The following MGST1 variants were observed in gnomAD, a reference collection of about 807,000 sequenced individuals.
MGST1 encodes glutathione S-transferase 12.
In MGST1, 5 loss-of-function variants were observed where a neutral mutation model predicts 8.9. The observed-to-expected ratio is 0.56, with a 90% CI of 0.29 to 1.19. The LOEUF (loss-of-function observed/expected upper bound fraction) is 1.19, where lower values mean the gene tolerates loss of function less well. Among genes scored for constraint, MGST1 ranks in the 50% most tolerant of loss-of-function variants. The pLI is 0.08. For synonymous variants in MGST1, 54 were observed against 67.8 expected, an observed-to-expected ratio of 0.80 and a Z score of 1.00; for missense variants, 182 against 187.4, an observed-to-expected ratio of 0.97 and a Z score of 0.17.
Position 16,354,382 on chromosome 12 carries a change from A to T in MGST1, c.126+4A>T. 6.3e-7 allele frequency: 1 copy of T among 1,587,336 alleles called. No homozygotes were observed. The highest frequency in any genetic ancestry group is 8.5e-7 in the Non-Finnish European group (1 of 1,173,290). On this transcript the variant is annotated splice_donor_region_variant and intron_variant, in intron 2 of 3. Coordinates refer to ENST00000396210, the MANE Select transcript of MGST1 (RefSeq NM_020300.5). ...ATTCTATAGATTGACAAGAAAGGTA[A>T]GAAATTTGGAGGTAATATTTTCTTA...
chr12:16,482,003 T>G lies in MGST1; in HGVS notation n.482+98399T>G, dbSNP rs77251362. ...TAAAAAAGACTGGAGAGAAAAGACATTTTACACAGAAAGGAATAATAAGCA... is the reference window on the plus strand; with the variant it reads ...TAAAAAAGACTGGAGAGAAAAGACAGTTTACACAGAAAGGAATAATAAGCA... On this transcript the variant is annotated intron_variant and non_coding_transcript_variant, in intron 4 of 4. Coordinates refer to the MGST1 transcript ENST00000538857. The surrounding 1 kb of genome is among the most constrained non-coding windows in gnomAD (Gnocchi z 4.2). Among the ~76,000 whole-genome samples the G allele has an allele frequency of 0.015, 2,277 of 152,176 alleles. 54 individuals are homozygous for G. The highest frequency in any genetic ancestry group is 0.052 in the African/African-American group (2,173 of 41,514).
rs1943414133 is a variant in MGST1, at chr12:16,589,172, T to C, written n.483-356T>C. 6.6e-6 allele frequency among the ~76,000 whole-genome samples: 1 copy of C among 152,110 alleles called. No homozygotes were observed. The highest frequency in any genetic ancestry group is 1.5e-5 in the Non-Finnish European group (1 of 67,998). On this transcript the variant is annotated intron_variant and non_coding_transcript_variant, in intron 4 of 4. Coordinates refer to the MGST1 transcript ENST00000538857. This position sits in a 1 kb window ranked among gnomAD's most constrained non-coding sequence, Gnocchi z 4.2. ...CCCAGTTTGGAAGATTTTAGGGAAG[T>C]GACAAGAACTCATGTAACTTTTTAT...
chr12:16,393,445 G>A (rs550858635), intron 1 of MGST1, among the ~76,000 whole-genome samples: 1 of 152,230 alleles, frequency 6.6e-6, no homozygotes, highest in East Asian at 1.9e-4. Context: ...ACGAGAGGCT[G>A]CTCACACAAC....
rs1420536644 is a variant in MGST1, at chr12:16,395,790, T to C, written n.778+12186T>C. On this transcript the variant is annotated intron_variant and non_coding_transcript_variant, in intron 1 of 1. Transcript: ENST00000359720. Reference sequence around the variant, plus strand: ...TGAGTAGTATTCCATCATATATATATATATATATATATATACACACACACA... The same window carrying C: ...TGAGTAGTATTCCATCATATATATACATATATATATATATACACACACACA... Among the ~76,000 whole-genome samples, 358 of 123,612 alleles carry C rather than the reference T, an allele frequency of 2.9e-3. 4 individuals carry two copies. Among genetic ancestry groups the C allele is most frequent in the East Asian group, 0.015 (52 of 3,422 alleles). The allele number at this position is 123,612 out of a possible 152,430, so 81.1% of individuals were successfully genotyped here. A position where few individuals can be genotyped will look rare whatever the true frequency, so the allele number is the denominator to read the frequency against.
intron 4 of MGST1, among the ~76,000 whole-genome samples, chr12:16,509,844 G>A (rs570742857): frequency 1.3e-5 from 2 of 152,270 alleles, no homozygotes; most frequent in East Asian, 1.9e-4. Context: ...TTAGGTAGGA[G>A]TGATTCAGAG....
chr12:16,526,955 G>A (rs145900897), intron 4 of MGST1, among the ~76,000 whole-genome samples: 1,550 of 152,036 alleles, frequency 0.01, 15 homozygotes, highest in Non-Finnish European at 0.015. Flanking sequence ...CAAAAGAGCT[G>A]AATCATGATC....
chr12:16,445,802 A>C (rs1941075489), intron 4 of MGST1, among the ~76,000 whole-genome samples: 1 of 151,902 alleles, frequency 6.6e-6, no homozygotes, highest in Non-Finnish European at 1.5e-5. Flanking sequence ...GGCAAGGACT[A>C]CTTATGGCAG....
intron 4 of MGST1, among the ~76,000 whole-genome samples, chr12:16,552,528 C>G (rs1381011239): frequency 6.6e-6 from 1 of 151,906 alleles, no homozygotes; most frequent in Admixed American, 6.5e-5. Context: ...CTATTTTTTT[C>G]CAACTGGGTA....
intron 1 of MGST1, among the ~76,000 whole-genome samples, chr12:16,351,517 A>T (rs1008267883): frequency 6.6e-6 from 1 of 152,124 alleles, no homozygotes; most frequent in African/African-American, 2.4e-5. Context: ...CTAAGAAAAC[A>T]AAAATAGGGG....
At chr12:16,469,452 G>T (rs975178931) in intron 4 of MGST1, among the ~76,000 whole-genome samples, 9 of 152,144 alleles carry the variant, frequency 5.9e-5, no homozygotes, top group African/African-American at 1.7e-4. Flanking sequence ...GCCTCCCAAG[G>T]TGTTGGGATT....
chr12:16,355,973 A>G (rs1939698084), intron 2 of MGST1, among the ~76,000 whole-genome samples: 1 of 152,170 alleles, frequency 6.6e-6, no homozygotes, highest in African/African-American at 2.4e-5. Context: ...CCAGTTCCTG[A>G]CTTGCAGATG....
downstream of MGST1, among the ~76,000 whole-genome samples, chr12:16,366,386 A>G (rs1291869619): frequency 5.9e-5 from 9 of 152,094 alleles, no homozygotes; most frequent in East Asian, 1.9e-4. The surrounding 1 kb of genome is among the most constrained non-coding windows in gnomAD (Gnocchi z 4.0). Flanking sequence ...GGGGAAAGCT[A>G]TTTACTGGTC....
chr12:16,434,524 G>A (rs1940966866), intron 1 of MGST1, among the ~76,000 whole-genome samples: 1 of 151,832 alleles, frequency 6.6e-6, no homozygotes, highest in Non-Finnish European at 1.5e-5. Flanking sequence ...GCTGGATACT[G>A]AGAGAGACTC....
At chr12:16,491,635 C>T (rs1304178605) in intron 4 of MGST1, among the ~76,000 whole-genome samples, 2 of 152,112 alleles carry the variant, frequency 1.3e-5, no homozygotes, top group Admixed American at 1.3e-4. Context: ...AAGTACTTTA[C>T]ATTTAGTGTT....
At chr12:16,486,551 T>C (rs763002513) in intron 4 of MGST1, among the ~76,000 whole-genome samples, 5 of 152,224 alleles carry the variant, frequency 3.3e-5, no homozygotes, top group African/African-American at 9.6e-5. Flanking sequence ...AATACACTTA[T>C]TACAGAATGC....
chr12:16,490,691 C>T (rs1218232346), intron 4 of MGST1, among the ~76,000 whole-genome samples: 1 of 152,004 alleles, frequency 6.6e-6, no homozygotes, highest in Admixed American at 6.6e-5. Context: ...ATCCTATCTT[C>T]CATATAAAGA....
intron 1 of MGST1, among the ~76,000 whole-genome samples, chr12:16,420,569 T>C (rs1218915633): frequency 6.6e-6 from 1 of 152,170 alleles, no homozygotes; most frequent in East Asian, 1.9e-4. Context: ...GGAGAAAGGG[T>C]AGAAGGCAGA....
At chr12:16,378,218 G>C (rs1282876510), downstream of MGST1, among the ~76,000 whole-genome samples, 1 of 152,044 alleles carries the variant, frequency 6.6e-6, no homozygotes, top group Non-Finnish European at 1.5e-5. Flanking sequence ...TGAAGTCCTT[G>C]CCCATGCCTA....
chr12:16,521,154 GTAT>G (rs1208357776), intron 4 of MGST1, among the ~76,000 whole-genome samples: 1 of 152,062 alleles, frequency 6.6e-6, no homozygotes, highest in Non-Finnish European at 1.5e-5. Context: ...TTCTGATCGT[GTAT>G]ACTTAATGCA....
Sources: gnomAD v4.1 joint callset for allele counts (sites outside exome capture counted in the v4.1 genomes callset) on GRCh38, gnomAD v4.1.1 for gene constraint, Gnocchi (gnomAD v3.1) non-coding constraint, MANE v1.5 for transcripts, NCBI Gene and HGNC (gene_info 2026-07-23, HGNC 2026-07-21) for gene names.